DPP6: variants seen among roughly 807,000 people sequenced by gnomAD.
DPP6 encodes the protein A-type potassium channel modulatory protein DPP6.
In DPP6, 69 loss-of-function variants were observed where a neutral mutation model predicts 122.6. That is an observed-to-expected ratio of 0.56 (90% CI 0.46 to 0.69). The LOEUF (loss-of-function observed/expected upper bound fraction) is 0.69, where lower values mean the gene tolerates loss of function less well. Among genes scored for constraint, DPP6 ranks in the 30% least tolerant of loss-of-function variants. The probability of loss-of-function intolerance (pLI) is 0.00; values close to 1 mark genes in which losing one functional copy is unlikely to be tolerated. For synonymous variants in DPP6, 418 were observed against 433.1 expected, an observed-to-expected ratio of 0.97 and a Z score of 0.43; for missense variants, 928 against 1,116.9, an observed-to-expected ratio of 0.83 and a Z score of 2.41.
At chr7:154,307,208 G>T (rs919607251) in intron 1 of DPP6, among the ~76,000 whole-genome samples, 1 of 152,194 alleles carries the variant, frequency 6.6e-6, no homozygotes, top group Non-Finnish European at 1.5e-5. Flanking sequence ...AGCATGCCAG[G>T]AGAGTGGGAA....
chr7:153,952,513 CAAG>C (rs556727468), intron 1 of DPP6, among the ~76,000 whole-genome samples: 13 of 152,060 alleles, frequency 8.5e-5, no homozygotes, highest in Non-Finnish European at 1.6e-4. Flanking sequence ...GAGGGGATTC[CAAG>C]AAGAAGGGTA....
chr7:154,251,411 G>C (rs767620238), intron 1 of DPP6, among the ~76,000 whole-genome samples: 1 of 152,196 alleles, frequency 6.6e-6, no homozygotes, highest in Non-Finnish European at 1.5e-5. Context: ...GGCTGTGCAG[G>C]TCTCCTAGGG....
intron 3 of DPP6, among the ~76,000 whole-genome samples, chr7:154,507,076 C>G (rs1441284659): frequency 6.6e-6 from 1 of 152,118 alleles, no homozygotes; most frequent in Non-Finnish European, 1.5e-5. Flanking sequence ...AGTCAATCTC[C>G]TGAGGCATTT....
intron 1 of DPP6, among the ~76,000 whole-genome samples, chr7:154,422,576 T>G (rs1468990341): frequency 6.6e-6 from 1 of 151,918 alleles, no homozygotes; most frequent in African/African-American, 2.4e-5. Context: ...GGATGGATGG[T>G]TGAATGGGTC....
chr7:153,995,383 G>C (rs374516606), intron 1 of DPP6, among the ~76,000 whole-genome samples: 1 of 152,056 alleles, frequency 6.6e-6, no homozygotes, highest in South Asian at 2.1e-4. Flanking sequence ...TCAGGAGGTC[G>C]AGACCATCCT....
At chr7:154,770,214 G>C (rs1335358066) in intron 9 of DPP6, among the ~76,000 whole-genome samples, 45 of 152,304 alleles carry the variant, frequency 3.0e-4, no homozygotes, top group African/African-American at 4.8e-5. Context: ...ACAGTTCCAC[G>C]TGGCTGGGGA....
At chr7:154,278,169 C>A (rs539554132) in intron 1 of DPP6, among the ~76,000 whole-genome samples, 2 of 152,334 alleles carry the variant, frequency 1.3e-5, no homozygotes, top group South Asian at 2.1e-4. Flanking sequence ...TTTTCACCAA[C>A]AACTTACAAC....
intron 1 of DPP6, among the ~76,000 whole-genome samples, chr7:154,119,225 A>T (rs1807240086): frequency 1.3e-5 from 2 of 152,210 alleles, no homozygotes; most frequent in Admixed American, 1.3e-4. Flanking sequence ...TGAATGAAGG[A>T]GGGGCCATTA....
chr7:154,850,456 T>C (rs781513966), intron 16 of DPP6, among the ~76,000 whole-genome samples: 1 of 152,148 alleles, frequency 6.6e-6, no homozygotes, highest in Non-Finnish European at 1.5e-5. Flanking sequence ...GGTATCAGGG[T>C]AAGGCTGGCC....
At chr7:153,937,199 G>A (rs1178812618) in intron 1 of DPP6, among the ~76,000 whole-genome samples, 3 of 152,168 alleles carry the variant, frequency 2.0e-5, no homozygotes, top group Admixed American at 2.0e-4. Context: ...CCAGAGGAAG[G>A]CTAGAAAGCC....
At chr7:154,571,478 T>C (rs1831107061) in intron 5 of DPP6, among the ~76,000 whole-genome samples, 1 of 152,226 alleles carries the variant, frequency 6.6e-6, no homozygotes, top group Non-Finnish European at 1.5e-5. Flanking sequence ...AGTAGCCTAG[T>C]ATTAATATCT....
At chr7:154,784,803 G>A (rs569369150) in intron 10 of DPP6, among the ~76,000 whole-genome samples, 6 of 152,294 alleles carry the variant, frequency 3.9e-5, no homozygotes, top group East Asian at 1.9e-4. Context: ...CCACAGACCC[G>A]TCTAATCTGA....
chr7:154,229,949 T>C (rs1800824904), intron 1 of DPP6, among the ~76,000 whole-genome samples: 1 of 152,204 alleles, frequency 6.6e-6, no homozygotes, highest in South Asian at 2.1e-4. Flanking sequence ...AGAACTTACA[T>C]ATAATATTTC....
chr7:154,537,173 G>C (rs1420218159), intron 3 of DPP6, among the ~76,000 whole-genome samples: 2 of 151,910 alleles, frequency 1.3e-5, no homozygotes, highest in African/African-American at 4.8e-5. Context: ...TATTTCATAT[G>C]GGATGTACAA....
chr7:153,797,321 G>T, the DPP6 span, among the ~76,000 whole-genome samples: 153 of 151,938 alleles, frequency 1.0e-3, no homozygotes, highest in African/African-American at 3.5e-3. Flanking sequence ...AAAAAATGAA[G>T]GAAGAAGAGG....
chr7:153,811,208 C>A, the DPP6 span, among the ~76,000 whole-genome samples: 9 of 152,136 alleles, frequency 5.9e-5, no homozygotes, highest in Non-Finnish European at 1.0e-4. Flanking sequence ...CTGCAAGGCC[C>A]GAGTTAAAGG....
chr7:154,801,291 G>C, intron 12 of DPP6, 64 bp from the exon 13 acceptor site: 1 of 1,547,402 alleles, frequency 6.5e-7, no homozygotes, highest in Middle Eastern at 1.7e-4. Flanking sequence ...ATTTTATCCT[G>C]GTTCAACCTC....
chr7:154,036,017 C>CAT (rs1799503182), intron 1 of DPP6, among the ~76,000 whole-genome samples: 1 of 104,524 alleles, frequency 9.6e-6, no homozygotes, highest in African/African-American at 4.5e-5. Flanking sequence ...TACGCGCGCG[C>CAT]GCTTGTGTGT....
chr7:154,045,413 C>G (rs1799971921), intron 1 of DPP6, among the ~76,000 whole-genome samples: 1 of 152,210 alleles, frequency 6.6e-6, no homozygotes, highest in Admixed American at 6.5e-5. Context: ...GGTTCTCAGA[C>G]TTGTGCATGC....
Sources: gnomAD v4.1 joint callset for allele counts (sites outside exome capture counted in the v4.1 genomes callset) on GRCh38, gnomAD v4.1.1 for gene constraint, MANE v1.5 for transcripts, NCBI Gene and HGNC (gene_info 2026-07-23, HGNC 2026-07-21) for gene names.